Variants in BCAS3 observed in about 807,000 individuals in gnomAD.
The protein encoded by BCAS3 is BCAS3 microtubule associated cell migration factor.
A neutral mutation model predicts 116.1 loss-of-function variants in BCAS3; 53 were observed. That is an observed-to-expected ratio of 0.46 (90% CI 0.37 to 0.57). The LOEUF is 0.57. BCAS3 is among the 20% of genes least tolerant of loss of function. The pLI is 0.00. For synonymous variants in BCAS3, 391 were observed against 408.2 expected (o/e 0.96, Z 0.51); for missense variants, 917 against 1,165.4 (o/e 0.79, Z 3.10).
At chr17:60,822,053 CA>C (rs1326723451) in intron 7 of BCAS3, among the ~76,000 whole-genome samples, 1 of 152,284 alleles carries the variant, frequency 6.6e-6, no homozygotes, top group East Asian at 1.9e-4. Context: ...TTGGCCTTTA[CA>C]AATAATGCTG....
intron 14 of BCAS3, among the ~76,000 whole-genome samples, chr17:60,980,109 G>C (rs1225211839): frequency 6.6e-6 from 1 of 152,140 alleles, no homozygotes; most frequent in African/African-American, 2.4e-5. Flanking sequence ...GAATTCGGCT[G>C]TGAATCCATC....
intron 7 of BCAS3, among the ~76,000 whole-genome samples, chr17:60,824,542 C>G (rs1302733499): frequency 6.6e-6 from 1 of 152,164 alleles, no homozygotes; most frequent in Non-Finnish European, 1.5e-5. Flanking sequence ...TCAGCATTTC[C>G]CTGCTCAGGG....
chr17:61,386,695 G>A (rs567560836), intron 23 of BCAS3, among the ~76,000 whole-genome samples: 283 of 151,882 alleles, frequency 1.9e-3, no homozygotes, highest in Middle Eastern at 3.4e-3. Context: ...GGAGCTTTTC[G>A]CAGGGCCTTT....
At chr17:61,340,258 G>C (rs572967906) in intron 22 of BCAS3, among the ~76,000 whole-genome samples, 31 of 151,618 alleles carry the variant, frequency 2.0e-4, no homozygotes, top group African/African-American at 6.1e-4. Flanking sequence ...GATGGCAAGA[G>C]GGGGTGGGGG....
At position 61,343,613 on chromosome 17, in the gene BCAS3, A is replaced by G. The variant is rs1231277018; in HGVS notation, c.2426-24714A>G. The stretch of plus-strand genomic sequence containing the variant: ...TTGAGGAAGCGTATGCAGAGGTTTG[A>G]GCCAAACAACTGGATGGCAAGGCAA... On this transcript the variant is annotated intron_variant, in intron 22 of 23. Transcript: ENST00000407086. The surrounding 1 kb of genome is among the most constrained non-coding windows in gnomAD (Gnocchi z 5.5). 6.6e-6 allele frequency among the ~76,000 whole-genome samples: 1 copy of G among 152,184 alleles called. No individual in the cohort carries two copies. Among genetic ancestry groups the G allele is most frequent in the Non-Finnish European group, 1.5e-5 (1 of 68,034 alleles).
Position 61,228,916 on chromosome 17 carries a change from G to T in BCAS3, c.2426-139411G>T, listed in dbSNP as rs559174722. ...GTGAGAAAAGCATGTCAAAAGCCAC[G>T]ACAGGCTGAAAGCTAGTCCTCTTGC... On this transcript the variant is annotated intron_variant, in intron 22 of 23. Transcript: ENST00000407086. This position sits in a 1 kb window ranked among gnomAD's most constrained non-coding sequence, Gnocchi z 5.0. Among the ~76,000 whole-genome samples, 1 of 152,280 alleles carries T rather than the reference G, an allele frequency of 6.6e-6. No homozygotes were observed. The highest frequency in any genetic ancestry group is 1.5e-5 in the Non-Finnish European group (1 of 68,032).
intron 7 of BCAS3, among the ~76,000 whole-genome samples, chr17:60,824,489 C>T (rs2050212685): frequency 6.6e-6 from 1 of 152,136 alleles, no homozygotes; most frequent in Non-Finnish European, 1.5e-5. Context: ...CTTGTGATTC[C>T]CTAGTAGCCC....
At chr17:61,001,818 T>A (rs553343757) in intron 15 of BCAS3, among the ~76,000 whole-genome samples, 65 of 151,734 alleles carry the variant, frequency 4.3e-4, no homozygotes, top group Middle Eastern at 3.4e-3. Context: ...TCACCTTTTT[T>A]AAAAAAAAAT....
intron 9 of BCAS3, among the ~76,000 whole-genome samples, chr17:60,887,757 G>GT (rs34977447): frequency 1.3e-5 from 2 of 152,192 alleles, no homozygotes; most frequent in East Asian, 3.9e-4. Context: ...GAGCAGTTCA[G>GT]TTTTTTTGTT....
intron 18 of BCAS3, among the ~76,000 whole-genome samples, chr17:61,040,003 G>A (rs1467938329): frequency 6.6e-6 from 1 of 152,030 alleles, no homozygotes; most frequent in Admixed American, 6.6e-5. Flanking sequence ...TCTCAAACGT[G>A]CATAATGATT....
chr17:60,878,732 T>C (rs2055847905), intron 9 of BCAS3, among the ~76,000 whole-genome samples: 1 of 152,180 alleles, frequency 6.6e-6, no homozygotes, highest in African/African-American at 2.4e-5. Flanking sequence ...TTATTTTTCT[T>C]GAAAACCCTA....
intron 22 of BCAS3, among the ~76,000 whole-genome samples, chr17:61,137,136 C>T (rs911613738): frequency 6.6e-6 from 1 of 152,070 alleles, no homozygotes; most frequent in African/African-American, 2.4e-5. Context: ...TCATTGATGC[C>T]AAATATATAT....
At chr17:61,310,835 G>C (rs930607283) in intron 22 of BCAS3, among the ~76,000 whole-genome samples, 10 of 152,162 alleles carry the variant, frequency 6.6e-5, no homozygotes, top group Non-Finnish European at 5.9e-5. Context: ...TGGCCTGTGT[G>C]TGTAGGGGAG....
intron 22 of BCAS3, among the ~76,000 whole-genome samples, chr17:61,329,211 G>C (rs1335268546): frequency 6.6e-6 from 1 of 151,422 alleles, no homozygotes; most frequent in Non-Finnish European, 1.5e-5. Context: ...TAAGGGCACC[G>C]ATCCTATCAT....
chr17:60,794,037 G>A (rs1351390599), intron 6 of BCAS3, among the ~76,000 whole-genome samples: 1 of 152,102 alleles, frequency 6.6e-6, no homozygotes, highest in Non-Finnish European at 1.5e-5. Context: ...GTGTAGAAGT[G>A]TTCCCTGATC....
intron 19 of BCAS3, chr17:61,069,935 T>C (rs1393767282): frequency 1.9e-6 from 3 of 1,559,254 alleles, no homozygotes; most frequent in Non-Finnish European, 2.6e-6. Context: ...GCGAAGGCTT[T>C]AAAGGCCAAG....
intron 22 of BCAS3, among the ~76,000 whole-genome samples, chr17:61,358,668 A>G (rs1196367642): frequency 6.6e-6 from 1 of 151,314 alleles, no homozygotes. Context: ...TGCCTGGCTA[A>G]TTTTTGTATT....
intron 9 of BCAS3, among the ~76,000 whole-genome samples, chr17:60,875,919 C>T (rs1418259502): frequency 1.3e-5 from 2 of 151,942 alleles, no homozygotes; most frequent in Admixed American, 1.3e-4. Context: ...AAATAATGGA[C>T]AGTCTTTTTC....
intron 2 of BCAS3, among the ~76,000 whole-genome samples, chr17:60,681,832 C>T (rs913887391): frequency 2.6e-5 from 4 of 151,784 alleles, no homozygotes; most frequent in Middle Eastern, 3.2e-3. Flanking sequence ...TGGGTTCAAG[C>T]GATTCTCCTG....
Sources: gnomAD v4.1 joint callset for allele counts (sites outside exome capture counted in the v4.1 genomes callset) on GRCh38, gnomAD v4.1.1 for gene constraint, Gnocchi (gnomAD v3.1) non-coding constraint, MANE v1.5 for transcripts, NCBI Gene and HGNC (gene_info 2026-07-23, HGNC 2026-07-21) for gene names.